Variants in CACNA2D4 observed in about 807,000 individuals in gnomAD.
The protein encoded by CACNA2D4 is voltage-dependent calcium channel subunit alpha-2/delta-4.
A neutral mutation model predicts 163.8 loss-of-function variants in CACNA2D4; 157 were observed. The ratio of observed to expected loss-of-function variants is 0.96; its 90% confidence interval spans 0.84 to 1.09. The LOEUF (loss-of-function observed/expected upper bound fraction) is 1.09. Ranked by LOEUF, CACNA2D4 falls within the 50% of genes least tolerant of loss-of-function variation. The pLI is 0.00. For synonymous variants in CACNA2D4, 598 were observed against 586.9 expected (o/e 1.02, Z -0.27); for missense variants, 1,410 against 1,479.9 (o/e 0.95, Z 0.78).
At chr12:1,805,191 C>T (rs923098812) in intron 29 of CACNA2D4, among the ~76,000 whole-genome samples, 3 of 152,160 alleles carry the variant, frequency 2.0e-5, no homozygotes, top group Admixed American at 1.3e-4. Context: ...CCCCCCCTGC[C>T]TGGCCTTCGA....
At chr12:1,841,844 C>G (rs751182233) in intron 25 of CACNA2D4, among the ~76,000 whole-genome samples, 2 of 152,212 alleles carry the variant, frequency 1.3e-5, no homozygotes, top group Non-Finnish European at 1.5e-5. Context: ...CACCCGCTGT[C>G]GTCAAATATC....
At chr12:1,880,925 T>G (rs1865980409) in intron 13 of CACNA2D4, among the ~76,000 whole-genome samples, 1 of 152,212 alleles carries the variant, frequency 6.6e-6, no homozygotes, top group Admixed American at 6.5e-5. Flanking sequence ...GAGGCCCCTG[T>G]GGCCTGCTCT....
intron 18 of CACNA2D4, among the ~76,000 whole-genome samples, chr12:1,867,102 C>T (rs1865669226): frequency 6.6e-6 from 1 of 151,624 alleles, no homozygotes; most frequent in Non-Finnish European, 1.5e-5. Context: ...ATCTTTTTTC[C>T]TTTAGCTTTT....
intron 3 of CACNA2D4, among the ~76,000 whole-genome samples, chr12:1,912,389 G>A (rs1279772499): frequency 2.0e-5 from 3 of 152,226 alleles, no homozygotes; most frequent in Non-Finnish European, 4.4e-5. Context: ...CCAGAGAAGG[G>A]GAAAGCTTCT....
Position 1,834,581 on chromosome 12 carries a change from A to G in CACNA2D4, c.2551+6158T>C. On this transcript the variant is annotated intron_variant, in intron 26 of 37. Coordinates refer to ENST00000382722, the MANE Select transcript of CACNA2D4 (RefSeq NM_172364.5). This position sits in a 1 kb window ranked among gnomAD's most constrained non-coding sequence, Gnocchi z 7.6. ...CGTGTGCGGCGTCGTCTGCATCATG[A>G]TGGTGGTGGCCGCTGCCTATGGCTG... 1.2e-6 allele frequency: 2 copies of G among 1,600,892 alleles called. No homozygotes were observed. Among genetic ancestry groups the G allele is most frequent in the Non-Finnish European group, 1.7e-6 (2 of 1,179,902 alleles).
intron 18 of CACNA2D4, among the ~76,000 whole-genome samples, chr12:1,873,773 C>T (rs777408044): frequency 2.4e-4 from 36 of 152,206 alleles, no homozygotes; most frequent in Non-Finnish European, 4.6e-4. Context: ...AGGCCTTTCT[C>T]AGCCCAGAGC....
chr12:1,907,545 T>C lies in CACNA2D4; in HGVS notation c.676A>G (p.Met226Val). ...AAGACAGCATTCAAGGCTTCAGACA[T>C]GTAGACTCCATTTAAAATATCTGGG... ...KDPDILNGVY[M>V]SEALNAVFVE... The change falls in exon 6 of 38, where the codon ATG becomes GTG. Residue 226 changes from methionine (M) to valine (V), a missense_variant. Transcript: ENST00000382722. The C allele has an allele frequency of 6.2e-7, 1 of 1,613,100 alleles. No individual in the cohort carries two copies. The highest frequency in any genetic ancestry group is 8.5e-7 in the Non-Finnish European group (1 of 1,179,226).
intron 37 of CACNA2D4, 167 bp downstream of exon 37, chr12:1,795,132 A>G (rs1863074363): frequency 1.6e-6 from 1 of 612,154 alleles, no homozygotes; most frequent in Non-Finnish European, 2.9e-6. Flanking sequence ...GTTTCTTATT[A>G]TATCACAGTG....
At chr12:1,903,516 C>T (rs527509858) in intron 6 of CACNA2D4, among the ~76,000 whole-genome samples, 20 of 151,082 alleles carry the variant, frequency 1.3e-4, no homozygotes, top group South Asian at 1.3e-3. Context: ...TCAAATAACT[C>T]GGTGGGAAAA....
At chr12:1,821,303 A>G (rs564136097) in intron 26 of CACNA2D4, among the ~76,000 whole-genome samples, 4 of 152,264 alleles carry the variant, frequency 2.6e-5, no homozygotes, top group African/African-American at 9.6e-5. Flanking sequence ...CCTGGATGTC[A>G]GAGGCATGGG....
chr12:1,805,313 C>T (rs557105812), intron 29 of CACNA2D4, among the ~76,000 whole-genome samples: 2 of 152,116 alleles, frequency 1.3e-5, no homozygotes, highest in Non-Finnish European at 2.9e-5. Flanking sequence ...TGGGTAGTCC[C>T]TCCCAGGCCT....
chr12:1,812,413 C>A (rs1247664918), intron 26 of CACNA2D4, among the ~76,000 whole-genome samples: 1 of 152,212 alleles, frequency 6.6e-6, no homozygotes, highest in African/African-American at 2.4e-5. Flanking sequence ...AGAACCCAAG[C>A]AGGTGCTCAC....
At chr12:1,855,554 G>A (rs531264414) in intron 22 of CACNA2D4, among the ~76,000 whole-genome samples, 2 of 152,344 alleles carry the variant, frequency 1.3e-5, no homozygotes, top group African/African-American at 2.4e-5. Context: ...AGGTTAGCCT[G>A]AGGAACTGGT....
chr12:1,907,350 G>T, intron 6 of CACNA2D4, 90 bp downstream of exon 6: 2 of 1,285,188 alleles, frequency 1.6e-6, no homozygotes, highest in Non-Finnish European at 2.2e-6. Context: ...ATTCACTGGG[G>T]ACCTGAGTGC....
chr12:1,878,317 G>A lies in CACNA2D4; in HGVS notation c.1717C>T (p.Leu573=). The part of the protein sequence containing the change: ...YILSHPDLRP[L]YREGKKLKPK... ...AGGCAAAGAAGATCTGTACCTACCA[G>A]GGGCCGGAGGTCGGGATGGGAGAGG... The change falls in exon 16 of 38, where the codon CTG becomes TTG. Residue 573 remains leucine, a splice_region_variant and synonymous_variant. Transcript: ENST00000382722. This position sits in a 1 kb window ranked among gnomAD's most constrained non-coding sequence, Gnocchi z 4.6. 1 of 1,608,726 alleles carries A rather than the reference G, an allele frequency of 6.2e-7. No individual in the cohort carries two copies. The highest frequency in any genetic ancestry group is 8.5e-7 in the Non-Finnish European group (1 of 1,177,820).
chr12:1,863,951 T>G (rs1315929836), intron 18 of CACNA2D4, among the ~76,000 whole-genome samples: 1 of 151,764 alleles, frequency 6.6e-6, no homozygotes. Flanking sequence ...TGCCAGCCCT[T>G]GAGCAGCAGA....
chr12:1,909,947 C>T lies in CACNA2D4; in HGVS notation c.445G>A (p.Glu149Lys), dbSNP rs756285159. The T allele has an allele frequency of 1.4e-5, 22 of 1,613,760 alleles. No individual in the cohort carries two copies. The highest frequency in any genetic ancestry group is 8.9e-5 in the East Asian group (4 of 44,876). Residue 149 changes from glutamate to lysine, a missense_variant, in exon 4 of 38, where the codon GAG becomes AAG. Glu to Lys is a moderately conservative substitution (Grantham distance 56). Coordinates refer to ENST00000382722, the MANE Select transcript of CACNA2D4 (RefSeq NM_172364.5). ...AATTCGTGGTTCAGGTCGGCCTCCT[C>T]GGCAGCTTCCACCAGATTCTGAGGG... ...EAVQNLVEAAEEADLNHEFNE... is the reference protein window; with the variant it reads ...EAVQNLVEAAKEADLNHEFNE...
intron 23 of CACNA2D4, among the ~76,000 whole-genome samples, chr12:1,852,071 T>C (rs1208054952): frequency 2.6e-5 from 4 of 152,178 alleles, no homozygotes; most frequent in African/African-American, 4.8e-5. Context: ...TGAATGTTGA[T>C]ATTATAACCT....
At chr12:1,915,322 G>C in intron 1 of CACNA2D4, 1 of 697,302 alleles carries the variant, frequency 1.4e-6, no homozygotes, top group Middle Eastern at 2.7e-4. Flanking sequence ...GAGGGTTGTG[G>C]GGCCGGGCTG....
Sources: gnomAD v4.1 joint callset for allele counts (sites outside exome capture counted in the v4.1 genomes callset) on GRCh38, gnomAD v4.1.1 for gene constraint, Gnocchi (gnomAD v3.1) non-coding constraint, MANE v1.5 for transcripts, NCBI Gene and HGNC (gene_info 2026-07-23, HGNC 2026-07-21) for gene names.